Variants in FAF1 observed in about 807,000 individuals in gnomAD.
The protein encoded by FAF1 is Fas associated factor 1, also known as FAS-associated factor 1.
FAF1 carries 25 observed loss-of-function variants against 92.5 expected under a neutral mutation model. That is an observed-to-expected ratio of 0.27 (90% CI 0.20 to 0.38). The LOEUF is 0.38. Ranked by LOEUF, FAF1 falls within the 10% of genes least tolerant of loss-of-function variation. The probability of loss-of-function intolerance (pLI) is 1.00; values close to 1 mark genes in which losing one functional copy is unlikely to be tolerated. For missense variants in FAF1, 636 were observed against 793.3 expected (o/e 0.80, Z 2.38); for synonymous variants, 234 against 273.2 (o/e 0.86, Z 1.42).
Position 50,840,693 on chromosome 1 carries a change from T to C in FAF1, c.114+17236A>G, listed in dbSNP as rs898992280. Among the ~76,000 whole-genome samples, 10 of 152,146 alleles carry C rather than the reference T, an allele frequency of 6.6e-5. No individual in the cohort carries two copies. The East Asian group carries it at 1.7e-3, about 26-fold the overall frequency. On this transcript the variant is annotated intron_variant, in intron 2 of 18. Coordinates refer to ENST00000396153, the MANE Select transcript of FAF1 (RefSeq NM_007051.3). ...CAAAGACCACACTGTTATCTATAAA[T>C]TGGTATACTTCTCAGGCCCAATCAG... is the stretch of plus-strand genomic sequence containing the variant.
intron 13 of FAF1, among the ~76,000 whole-genome samples, chr1:50,554,195 A>G (rs1302658349): frequency 6.6e-6 from 1 of 150,762 alleles, no homozygotes. Flanking sequence ...AGATCATGGG[A>G]AAAAAAGCAT....
At chr1:50,860,167 A>G (rs1644421041) in intron 1 of FAF1, among the ~76,000 whole-genome samples, 1 of 151,872 alleles carries the variant, frequency 6.6e-6, no homozygotes, top group Admixed American at 6.6e-5. Flanking sequence ...AGAAAACCTA[A>G]GAAATGCCAT....
chr1:50,775,647 G>C (rs1334495703), intron 4 of FAF1, among the ~76,000 whole-genome samples: 3 of 151,850 alleles, frequency 2.0e-5, no homozygotes, highest in Non-Finnish European at 2.9e-5. Context: ...AATCACCACA[G>C]GGCAACTATA....
chr1:50,923,391 G>A (rs1644980812), intron 1 of FAF1, among the ~76,000 whole-genome samples: 1 of 152,098 alleles, frequency 6.6e-6, no homozygotes. Flanking sequence ...TCCAGCCTGG[G>A]TGACAGGGTA....
At chr1:50,866,461 C>T (rs1644482620) in intron 1 of FAF1, among the ~76,000 whole-genome samples, 1 of 151,960 alleles carries the variant, frequency 6.6e-6, no homozygotes, top group Admixed American at 6.6e-5. Context: ...ATCCAAAAAG[C>T]TCCTAGATAT....
intron 15 of FAF1, among the ~76,000 whole-genome samples, chr1:50,494,322 T>C (rs1458115408): frequency 1.3e-5 from 2 of 152,244 alleles, no homozygotes; most frequent in African/African-American, 4.8e-5. Flanking sequence ...TAACACTTCA[T>C]GTATAAATTT....
chr1:50,443,855 G>A (rs960803593), intron 18 of FAF1, among the ~76,000 whole-genome samples: 1 of 152,086 alleles, frequency 6.6e-6, no homozygotes, highest in African/African-American at 2.4e-5. Context: ...CTGGAACCCT[G>A]ATCTATACCA....
intron 8 of FAF1, among the ~76,000 whole-genome samples, chr1:50,654,176 T>C (rs1655001750): frequency 6.6e-6 from 1 of 152,198 alleles, no homozygotes; most frequent in African/African-American, 2.4e-5. Context: ...AGGAGTGAAC[T>C]GTAGTTATTA....
chr1:50,899,715 G>A (rs1644781919), intron 1 of FAF1, among the ~76,000 whole-genome samples: 1 of 152,212 alleles, frequency 6.6e-6, no homozygotes, highest in Admixed American at 6.5e-5. Flanking sequence ...CTCCCAAAGT[G>A]CTGGGATTAC....
At chr1:50,828,369 C>T (rs1013974098) in intron 2 of FAF1, among the ~76,000 whole-genome samples, 2 of 151,544 alleles carry the variant, frequency 1.3e-5, no homozygotes, top group African/African-American at 2.4e-5. Context: ...CCTGGGTTCA[C>T]GCCATTCTCC....
intron 18 of FAF1, among the ~76,000 whole-genome samples, chr1:50,447,538 TG>T (rs1423323789): frequency 6.6e-6 from 1 of 152,232 alleles, no homozygotes; most frequent in African/African-American, 2.4e-5. Flanking sequence ...TTGCCTCTGG[TG>T]ACCAATAACT....
intron 8 of FAF1, among the ~76,000 whole-genome samples, chr1:50,628,219 T>C (rs1293943217): frequency 1.3e-5 from 2 of 152,160 alleles, no homozygotes; most frequent in East Asian, 1.9e-4. Flanking sequence ...ATATTAGATA[T>C]TATTGATAAC....
intron 7 of FAF1, among the ~76,000 whole-genome samples, chr1:50,701,978 A>G (rs895144033): frequency 6.6e-6 from 1 of 152,098 alleles, no homozygotes; most frequent in African/African-American, 2.4e-5. Flanking sequence ...GTTGTAACAG[A>G]TAAGTAATAC....
intron 8 of FAF1, among the ~76,000 whole-genome samples, chr1:50,650,089 A>T (rs1039693330): frequency 2.6e-5 from 4 of 151,430 alleles, no homozygotes; most frequent in Non-Finnish European, 5.9e-5. Flanking sequence ...GTTCGAGACC[A>T]GCCTGACTAA....
intron 4 of FAF1, among the ~76,000 whole-genome samples, chr1:50,776,396 T>C (rs1374251732): frequency 1.3e-5 from 2 of 152,224 alleles, no homozygotes; most frequent in Non-Finnish European, 2.9e-5. Context: ...TACCTTATTA[T>C]GAATCATATG....
At chr1:50,470,466 A>G (rs1198534325) in intron 18 of FAF1, among the ~76,000 whole-genome samples, 1 of 152,168 alleles carries the variant, frequency 6.6e-6, no homozygotes, top group East Asian at 1.9e-4. Context: ...TGCAAATATC[A>G]GATATTAAGA....
intron 15 of FAF1, among the ~76,000 whole-genome samples, chr1:50,528,701 A>G (rs1200035956): frequency 1.3e-5 from 2 of 152,148 alleles, no homozygotes; most frequent in African/African-American, 2.4e-5. Flanking sequence ...GTCCACTTAC[A>G]TGGAGAGTTT....
intron 1 of FAF1, among the ~76,000 whole-genome samples, chr1:50,911,423 C>T (rs1011725289): frequency 5.3e-5 from 8 of 150,876 alleles, no homozygotes; most frequent in South Asian, 2.1e-4. Flanking sequence ...TGGCTGGGCG[C>T]GGTGGCTCAC....
Position 50,577,099 on chromosome 1 carries a change from AAACTGGTTGTCGTTTCCTCACT to A in FAF1, c.1113+5497_1113+5518del, listed in dbSNP as rs565522359. Among the ~76,000 whole-genome samples, 6 of 152,248 alleles carry A rather than the reference AAACTGGTTGTCGTTTCCTCACT, an allele frequency of 3.9e-5. No homozygotes were observed. In the South Asian group the frequency reaches 1.2e-3, roughly 32 times the overall value. ...TGCATTTTTTTGCTCCAGTAATACC[AAACTGGTTGTCGTTTCCTCACT>A]TTAATCTTCCATTGCCTTTACTTTT... On this transcript the variant is annotated intron_variant, in intron 12 of 18. Coordinates refer to ENST00000396153, the MANE Select transcript of FAF1 (RefSeq NM_007051.3).
Sources: gnomAD v4.1 joint callset for allele counts (sites outside exome capture counted in the v4.1 genomes callset) on GRCh38, gnomAD v4.1.1 for gene constraint, MANE v1.5 for transcripts, NCBI Gene and HGNC (gene_info 2026-07-23, HGNC 2026-07-21) for gene names.